ZAN: variants seen among roughly 807,000 people sequenced by gnomAD.
The protein encoded by ZAN is zonadhesin, also known as zonadhesin (gene/pseudogene).
In ZAN, 260 loss-of-function variants were observed where a neutral mutation model predicts 286.2. The ratio of observed to expected loss-of-function variants is 0.91; its 90% CI spans 0.82 to 1.01. The LOEUF is 1.01. Ranked by LOEUF, ZAN falls within the 50% of genes least tolerant of loss-of-function variation. ZAN has a pLI of 0.00. For missense variants in ZAN, 3,410 were observed against 3,639.2 expected, an observed-to-expected ratio of 0.94 and a Z score of 1.62; for synonymous variants, 1,368 against 1,417.5, an observed-to-expected ratio of 0.97 and a Z score of 0.79.
At chr7:100,796,269 C>A (rs1157112233) in intron 45 of ZAN, among the ~76,000 whole-genome samples, 1 of 152,160 alleles carries the variant, frequency 6.6e-6, no homozygotes. Flanking sequence ...CCTTTCCTAT[C>A]CCAAACTACA....
Position 100,779,486 on chromosome 7 carries a change from GAACA to G in ZAN, c.6359_6362del (p.Glu2120GlyfsTer37). On this transcript the variant is annotated frameshift_variant, in exon 35 of 48. Transcript: ENST00000613979. LOFTEE classifies it high-confidence loss of function. ...GGTAGATGAGCAGCAGATTCCAGCG[GAACA>G]GCAGGAGAACCCGAGTGGAAACTGC... 6.2e-7 allele frequency: 1 copy of G among 1,611,424 alleles called. No homozygotes were observed. The highest frequency in any genetic ancestry group is 8.5e-7 in the Non-Finnish European group (1 of 1,178,928).
intron 15 of ZAN, among the ~76,000 whole-genome samples, chr7:100,756,825 A>G (rs765180957): frequency 6.6e-6 from 1 of 151,884 alleles, no homozygotes; most frequent in Admixed American, 6.6e-5. Flanking sequence ...CTGGAGTGCA[A>G]TGGTGCCATC....
rs1245152942 is a variant in ZAN at position 100,763,593 on chromosome 7, C to T, written c.3987-213C>T. 6.6e-6 allele frequency among the ~76,000 whole-genome samples: 1 copy of T among 152,112 alleles called. No individual in the cohort carries two copies. Among genetic ancestry groups the T allele is most frequent in the Admixed American group, 6.5e-5 (1 of 15,268 alleles). On this transcript the variant is annotated intron_variant, in intron 20 of 47. Transcript: ENST00000613979. This position sits in a 1 kb window ranked among gnomAD's most constrained non-coding sequence, Gnocchi z 4.6. ...ATGGGATCTCAGTGTGTTACCCAGG[C>T]TGGCCTGGAACTCCTGGGCTCAAGC... is the stretch of plus-strand genomic sequence containing the variant.
At chr7:100,749,472 C>T (rs1372263830) in intron 11 of ZAN, among the ~76,000 whole-genome samples, 2 of 149,718 alleles carry the variant, frequency 1.3e-5, no homozygotes, top group African/African-American at 4.9e-5. Context: ...AACCCCGTCC[C>T]TACTAAAAAC....
Position 100,734,960 on chromosome 7 carries a change from C to T in ZAN, c.53+739C>T, listed in dbSNP as rs1052809412. Reference sequence around the variant, plus strand: ...CAGCACTTTGGGAGGCCGAGGCGGGCGGATCACCTGAGGTCAGGTGTTGAG... The same window carrying T: ...CAGCACTTTGGGAGGCCGAGGCGGGTGGATCACCTGAGGTCAGGTGTTGAG... On this transcript the variant is annotated intron_variant, in intron 2 of 47. Coordinates refer to ENST00000613979, the MANE Select transcript of ZAN (RefSeq NM_003386.3). Among the ~76,000 whole-genome samples the T allele has an allele frequency of 8.8e-5, 12 of 136,884 alleles. 2 individuals carry two copies. The highest frequency in any genetic ancestry group is 2.1e-4 in the East Asian group (1 of 4,672). The allele number at this position is 136,884 out of a possible 152,430, so 89.8% of individuals were successfully genotyped here. A position where few individuals can be genotyped will look rare whatever the true frequency, so the allele number is the denominator to read the frequency against.
chr7:100,747,768 A>G (rs1808333327), intron 9 of ZAN, 127 bp downstream of exon 9: 2 of 945,046 alleles, frequency 2.1e-6, no homozygotes, highest in African/African-American at 1.6e-5. Flanking sequence ...AGGAGGGAGG[A>G]TCGCTTCAGG....
At position 100,792,323 on chromosome 7, in the gene ZAN, G is replaced by C. The variant is rs1388864160; in HGVS notation, c.7713-82G>C. The C allele has an allele frequency of 4.6e-6, 7 of 1,520,698 alleles. No homozygotes were observed. In the African/African-American group the frequency reaches 8.3e-5, roughly 18 times the overall value. The allele number at this position is 1,520,698 out of a possible 1,614,324, so 94.2% of individuals were successfully genotyped here. Reference sequence around the variant, plus strand: ...CACCGACTGATGTCTTTCTGTTTGGGGTTCCAGGCTCTCTTCTGCAGGGGT... The same window carrying C: ...CACCGACTGATGTCTTTCTGTTTGGCGTTCCAGGCTCTCTTCTGCAGGGGT... On this transcript the variant is annotated intron_variant, in intron 41 of 47. Coordinates refer to ENST00000613979, the MANE Select transcript of ZAN (RefSeq NM_003386.3).
intron 15 of ZAN, among the ~76,000 whole-genome samples, chr7:100,757,118 T>C (rs1584576770): frequency 6.6e-6 from 1 of 152,130 alleles, no homozygotes; most frequent in Non-Finnish European, 1.5e-5. Context: ...GTTTATTTAG[T>C]ACTTTCTTCA....
intron 13 of ZAN, 136 bp from the exon 14 acceptor site, chr7:100,751,576 A>G (rs938520617): frequency 2.1e-6 from 2 of 944,498 alleles, no homozygotes; most frequent in African/African-American, 1.7e-5. Context: ...CGTTGAGTGG[A>G]TGAAGGTTGG....
Position 100,738,345 on chromosome 7 carries a change from G to T in ZAN, c.614-116G>T, listed in dbSNP as rs1207798221. 1.1e-5 allele frequency: 11 copies of T among 1,014,474 alleles called. 2 individuals carry two copies. Among genetic ancestry groups the T allele is most frequent in the Non-Finnish European group, 1.6e-5 (11 of 687,234 alleles). The allele number at this position is 1,014,474 out of a possible 1,614,324, so 62.8% of individuals were successfully genotyped here. A position where few individuals can be genotyped will look rare whatever the true frequency, so the allele number is the denominator to read the frequency against. On this transcript the variant is annotated intron_variant, in intron 6 of 47. Transcript: ENST00000613979. The stretch of plus-strand genomic sequence containing the variant: ...AGGTGGGAGGACCGCTTGAGTCCAG[G>T]AGTTCGAGGCCGCAGTGAGCTATGA...
In ZAN at chr7:100,776,318, A is replaced by AAGGG. The variant is rs3991185; in HGVS notation, c.6193-98_6193-95dup. ...GGGTGACAAGAGTGAAACTTGAAGG[A>AAGGG]AGGGAGGGAGGGAGGGAGGGAGGGA... On this transcript the variant is annotated intron_variant, in intron 33 of 47. Coordinates refer to ENST00000613979, the MANE Select transcript of ZAN (RefSeq NM_003386.3). The AAGGG allele has an allele frequency of 1.4e-3, 1,837 of 1,270,608 alleles. 19 individuals carry two copies. The East Asian group carries it at 0.021, about 14-fold the overall frequency. The allele number at this position is 1,270,608 out of a possible 1,614,324, so 78.7% of individuals were successfully genotyped here.
At chr7:100,742,639 C>G (rs1157443354) in intron 7 of ZAN, among the ~76,000 whole-genome samples, 53 of 77,708 alleles carry the variant, frequency 6.8e-4, no homozygotes, top group African/African-American at 1.2e-3. Flanking sequence ...CCGAGGTTGG[C>G]GGATCACTCG....
chr7:100,750,649 C>A lies in ZAN; in HGVS notation c.1274C>A (p.Ala425Asp). Residue 425 changes from alanine (A) to aspartate (D), a missense_variant, in exon 12 of 48, where the codon GCT becomes GAT. Physicochemically the swap from Ala to Asp is moderately radical, Grantham distance 126. Transcript: ENST00000613979. Reference sequence around the variant, plus strand: ...GGGGGTCACTATATCTACCTTGAGGCTGACGAGTTCTCCCAGGCAGGCCAG... The same window carrying A: ...GGGGGTCACTATATCTACCTTGAGGATGACGAGTTCTCCCAGGCAGGCCAG... The part of the protein sequence containing the change: ...NAGGHYIYLE[A>D]DEFSQAGQSV... 1 of 1,613,392 alleles carries A rather than the reference C, an allele frequency of 6.2e-7. No homozygotes were observed. Among genetic ancestry groups the A allele is most frequent in the East Asian group, 2.2e-5 (1 of 44,874 alleles).
chr7:100,747,259 C>T (rs1200987613), intron 8 of ZAN, among the ~76,000 whole-genome samples: 3 of 149,636 alleles, frequency 2.0e-5, no homozygotes, highest in African/African-American at 4.9e-5. Flanking sequence ...TGGTGGCACA[C>T]GCCTGTAATC....
chr7:100,764,314 C>G (rs1272937866), intron 22 of ZAN, 118 bp downstream of exon 22: 1 of 1,260,664 alleles, frequency 7.9e-7, no homozygotes, highest in Non-Finnish European at 1.1e-6. Flanking sequence ...ACCAGCCTGG[C>G]CAACACCCCG....
At chr7:100,738,729 A>G in intron 7 of ZAN, 116 bp downstream of exon 7, 3 of 1,160,310 alleles carry the variant, frequency 2.6e-6, no homozygotes, top group South Asian at 3.1e-5. Context: ...TACCAGCTCA[A>G]GTTTCACGCA....
At position 100,738,598 on chromosome 7, in the gene ZAN, T is replaced by C. The variant is rs1807473320; in HGVS notation, c.751T>C (p.Phe251Leu). ...GCCAGGCGTGGGGCCTGATGGCGACTTCTCTAGCCCTGGTAGTGAGTAGCG... is the reference window on the plus strand; with the variant it reads ...GCCAGGCGTGGGGCCTGATGGCGACCTCTCTAGCCCTGGTAGTGAGTAGCG... ...GKPGVGPDGD[F>L]SSPGSGCYML... Residue 251 changes from phenylalanine to leucine, a missense_variant, in exon 7 of 48, where the codon TTC (phenylalanine) becomes CTC (leucine). Transcript: ENST00000613979. 1.3e-6 allele frequency: 2 copies of C among 1,517,774 alleles called. 1 individual carries two copies. The highest frequency in any genetic ancestry group is 2.8e-5 in the African/African-American group (2 of 70,838). The allele number at this position is 1,517,774 out of a possible 1,614,324, so 94.0% of individuals were successfully genotyped here.
rs534729138 is a variant in ZAN at position 100,777,831 on chromosome 7, A to G, written c.6317+1267A>G. 2.6e-3 allele frequency among the ~76,000 whole-genome samples: 396 copies of G among 151,718 alleles called. 2 individuals are homozygous for G. The highest frequency in any genetic ancestry group is 9.2e-3 in the African/African-American group (383 of 41,424). ...GGTCTCAAACTCCTGGGCTCAAATG[A>G]TCCTCCCGCCTCGGCCCCCCAAAGT... On this transcript the variant is annotated intron_variant, in intron 34 of 47. Coordinates refer to ENST00000613979, the MANE Select transcript of ZAN (RefSeq NM_003386.3).
At chr7:100,767,644 T>G (rs957087947) in intron 25 of ZAN, among the ~76,000 whole-genome samples, 187 bp from the exon 26 acceptor site, 18 of 151,594 alleles carry the variant, frequency 1.2e-4, no homozygotes, top group African/African-American at 4.1e-4. Flanking sequence ...ACGGCTAATT[T>G]TTTTTTTCAC....
Sources: gnomAD v4.1 joint callset for allele counts (sites outside exome capture counted in the v4.1 genomes callset) on GRCh38, gnomAD v4.1.1 for gene constraint, Gnocchi (gnomAD v3.1) non-coding constraint, MANE v1.5 for transcripts, NCBI Gene and HGNC (gene_info 2026-07-23, HGNC 2026-07-21) for gene names.